The following NFIC variants were observed in gnomAD, a reference collection of about 807,000 sequenced individuals.
NFIC encodes the protein nuclear factor I C.
NFIC carries 12 observed loss-of-function variants against 54.4 expected under a neutral mutation model. The ratio of observed to expected loss-of-function variants is 0.22; its 90% CI spans 0.14 to 0.36. NFIC has a LOEUF of 0.36. NFIC is among the 10% of genes least tolerant of loss of function. The probability of loss-of-function intolerance (pLI) is 1.00; values close to 1 mark genes in which losing one functional copy is unlikely to be tolerated. For missense variants in NFIC, 575 were observed against 718.2 expected (o/e 0.80, Z 2.28); for synonymous variants, 322 against 319.2 (o/e 1.01, Z -0.09).
intron 2 of NFIC, among the ~76,000 whole-genome samples, chr19:3,386,941 T>G (rs1443556977): frequency 1.3e-5 from 2 of 152,226 alleles, no homozygotes; most frequent in Admixed American, 1.3e-4. Flanking sequence ...TCCCAGTGGT[T>G]GTCACCCTGA....
At chr19:3,372,708 G>T (rs545489634) in intron 1 of NFIC, among the ~76,000 whole-genome samples, 17,301 of 117,420 alleles carry the variant, frequency 0.15, 1,564 homozygotes, top group Non-Finnish European at 0.17. Context: ...GCCCAGGAGT[G>T]GGGTGGGGGG....
chr19:3,394,782 G>A (rs374555715), intron 2 of NFIC, among the ~76,000 whole-genome samples: 1 of 151,906 alleles, frequency 6.6e-6, no homozygotes, highest in African/African-American at 2.4e-5. Context: ...GCGGCTCTGG[G>A]TGCCCCTACG....
intron 9 of NFIC, chr19:3,454,437 G>A (rs2082519986): frequency 1.0e-5 from 2 of 194,030 alleles, no homozygotes; most frequent in African/African-American, 2.4e-5. Context: ...CACACCTTTA[G>A]ATGGGACTCT....
At chr19:3,456,422 G>A in intron 9 of NFIC, 128 bp from the exon 10 acceptor site, 1 of 837,880 alleles carries the variant, frequency 1.2e-6, no homozygotes, top group South Asian at 1.7e-5. Flanking sequence ...AGGCTCGGAG[G>A]CCCCAGGCAC....
Position 3,463,862 on chromosome 19 carries a change from C to T in NFIC, c.*1093C>T, listed in dbSNP as rs1334846729. 6 of 984,344 alleles carry T rather than the reference C, an allele frequency of 6.1e-6. No individual in the cohort carries two copies. Among genetic ancestry groups the T allele is most frequent in the South Asian group, 4.7e-5 (1 of 21,226 alleles). The allele number at this position is 984,344 out of a possible 1,614,324, so 61.0% of individuals were successfully genotyped here. On this transcript the variant is annotated 3_prime_UTR_variant, in exon 11 of 11. Transcript: ENST00000443272. ...GTGCCTGATTACCACCACCCGCCCC[C>T]CCCTTTGTCCAGCTGGGACACGGAA...
chr19:3,443,407 C>T (rs4806937), intron 6 of NFIC, among the ~76,000 whole-genome samples: 1 of 150,612 alleles, frequency 6.6e-6, no homozygotes, highest in Non-Finnish European at 1.5e-5. Flanking sequence ...TGGGCAACAG[C>T]GTGAGACCCT....
Position 3,381,856 on chromosome 19 carries a change from G to T in NFIC, c.175G>T (p.Asp59Tyr). The change falls in exon 2 of 11, where the codon GAC becomes TAC. Residue 59 changes from aspartate (D) to tyrosine (Y), a missense_variant. Asp to Tyr is a radical substitution (Grantham distance 160). Coordinates refer to ENST00000443272, the MANE Select transcript of NFIC (RefSeq NM_001245002.2). ...MSKDEERAVK[D>Y]ELLGEKPEVK... ...GAAGGACGAGGAGCGTGCGGTCAAG[G>T]ACGAGCTGCTGGGCGAGAAGCCCGA... is the stretch of plus-strand genomic sequence containing the variant. 6.2e-7 allele frequency: 1 copy of T among 1,614,028 alleles called. No homozygotes were observed. The highest frequency in any genetic ancestry group is 8.5e-7 in the Non-Finnish European group (1 of 1,179,966).
rs374127161 is a variant in NFIC, at chr19:3,462,714, T to C, written c.1510-38T>C. The C allele has an allele frequency of 4.9e-4, 797 of 1,611,354 alleles. 13 individuals are homozygous for C. In the South Asian group the frequency reaches 8.3e-3, roughly 17 times the overall value. ...CTGACCCCTCGACTTCTCTCCCTTTTTCTCTCTCCCTCTTTCTGTCGCCAC... is the reference window on the plus strand; with the variant it reads ...CTGACCCCTCGACTTCTCTCCCTTTCTCTCTCTCCCTCTTTCTGTCGCCAC... On this transcript the variant is annotated intron_variant, in intron 10 of 10. Coordinates refer to ENST00000443272, the MANE Select transcript of NFIC (RefSeq NM_001245002.2).
At chr19:3,363,358 ACCTCCC>A (rs1361323084), upstream of NFIC, among the ~76,000 whole-genome samples, 1 of 140,652 alleles carries the variant, frequency 7.1e-6, no homozygotes, top group Non-Finnish European at 1.5e-5. Flanking sequence ...TGCAACCTCC[ACCTCCC>A]GAGTTCAAGC....
At chr19:3,371,998 C>T (rs376818800) in intron 1 of NFIC, among the ~76,000 whole-genome samples, 2,473 of 34,960 alleles carry the variant, frequency 0.071, 97 homozygotes, top group Middle Eastern at 0.2. Flanking sequence ...CCTCTCTCTC[C>T]CTCTCTCTCT....
At chr19:3,418,374 G>T (rs2081901138) in intron 2 of NFIC, among the ~76,000 whole-genome samples, 1 of 152,086 alleles carries the variant, frequency 6.6e-6, no homozygotes, top group Non-Finnish European at 1.5e-5. Flanking sequence ...CGAGATTACA[G>T]GCATGTGCCA....
intron 6 of NFIC, among the ~76,000 whole-genome samples, chr19:3,436,133 TTTTGTTTG>T (rs10655460): frequency 0.016 from 2,319 of 147,776 alleles, 70 homozygotes; most frequent in African/African-American, 0.055. Context: ...CGGCCTCTGT[TTTTGTTTG>T]TTTGTTTGTT....
intron 2 of NFIC, among the ~76,000 whole-genome samples, chr19:3,415,800 G>A (rs1350889194): frequency 6.6e-6 from 1 of 152,046 alleles, no homozygotes; most frequent in Non-Finnish European, 1.5e-5. Context: ...CTGTATACCT[G>A]GTGCCAGTAT....
upstream of NFIC, among the ~76,000 whole-genome samples, chr19:3,363,269 A>ATTT (rs1178364391): frequency 4.4e-4 from 16 of 36,686 alleles, no homozygotes; most frequent in East Asian, 2.4e-3. Flanking sequence ...ATATATATAT[A>ATTT]TTTTTTTTTT....
intron 1 of NFIC, among the ~76,000 whole-genome samples, chr19:3,377,552 GT>G (rs2081130383): frequency 6.6e-6 from 1 of 151,906 alleles, no homozygotes; most frequent in African/African-American, 2.4e-5. Context: ...CTTGTTCCTT[GT>G]ATTTATTCCA....
chr19:3,433,572 A>G lies in NFIC; in HGVS notation c.689A>G (p.Glu230Gly), dbSNP rs756119587. 6.2e-7 allele frequency: 1 copy of G among 1,613,830 alleles called. No individual in the cohort carries two copies. Among genetic ancestry groups the G allele is most frequent in the South Asian group, 1.1e-5 (1 of 91,078 alleles). ...ACCTCCGGCGTGTTCAGCGTCACTG[A>G]GCTCATCCAAGTGTCCCGGAGTGAG... is the stretch of plus-strand genomic sequence containing the variant. ...FVTSGVFSVT[E>G]LIQVSRTPVV... The change falls in exon 4 of 11, where the codon GAG (glutamate) becomes GGG (glycine). Residue 230 changes from glutamate (E) to glycine (G), a missense_variant. Transcript: ENST00000443272.
rs556361711 is a variant in NFIC at position 3,381,420 on chromosome 19, C to G, written c.31-292C>G. Among the ~76,000 whole-genome samples, 6 of 135,246 alleles carry G rather than the reference C, an allele frequency of 4.4e-5. No individual in the cohort carries two copies. The South Asian group carries it at 1.5e-3, about 33-fold the overall frequency. The allele number at this position is 135,246 out of a possible 152,430, so 88.7% of individuals were successfully genotyped here. On this transcript the variant is annotated intron_variant, in intron 1 of 10. Transcript: ENST00000443272. ...CAAAAAAAAAAAAAAAAAAAATGATCCTCCACAAACTTCCGCCTTGATTTG... is the reference window on the plus strand; with the variant it reads ...CAAAAAAAAAAAAAAAAAAAATGATGCTCCACAAACTTCCGCCTTGATTTG...
chr19:3,398,250 G>T (rs529322447), intron 2 of NFIC, among the ~76,000 whole-genome samples: 4 of 152,138 alleles, frequency 2.6e-5, no homozygotes, highest in Admixed American at 1.3e-4. Flanking sequence ...GGATTGAGTC[G>T]GTTCGTGGAA....
intron 6 of NFIC, among the ~76,000 whole-genome samples, chr19:3,445,038 G>T (rs2082353190): frequency 6.7e-6 from 1 of 150,372 alleles, no homozygotes; most frequent in Admixed American, 6.6e-5. Context: ...CACATACACA[G>T]ATATGAACGT....
Sources: allele counts gnomAD v4.1 joint callset (sites outside exome capture counted in the v4.1 genomes callset), GRCh38; gene constraint gnomAD v4.1.1; transcripts MANE v1.5; gene names NCBI Gene and HGNC (gene_info 2026-07-23, HGNC 2026-07-21).